APBA2: variants seen among roughly 807,000 people sequenced by gnomAD.
The protein encoded by APBA2 is amyloid-beta A4 precursor protein-binding family A member 2.
APBA2 carries 30 observed loss-of-function variants against 75.0 expected under a neutral mutation model. That is an observed-to-expected ratio of 0.40 (90% CI 0.30 to 0.54). The LOEUF (loss-of-function observed/expected upper bound fraction) is 0.54, where lower values mean the gene tolerates loss of function less well. Ranked by LOEUF, APBA2 falls within the 20% of genes least tolerant of loss-of-function variation. The pLI is 0.49. For synonymous variants in APBA2, 444 were observed against 409.6 expected, an observed-to-expected ratio of 1.08 and a Z score of -1.01; for missense variants, 801 against 1,016.1, an observed-to-expected ratio of 0.79 and a Z score of 2.88.
chr15:28,989,742 C>T (rs1025214260), intron 2 of APBA2, among the ~76,000 whole-genome samples: 5 of 152,270 alleles, frequency 3.3e-5, no homozygotes, highest in Non-Finnish European at 5.9e-5. Context: ...GCGGCCTTGG[C>T]GGGCTGTGTA....
At chr15:28,976,308 A>T (rs1437308706) in intron 2 of APBA2, among the ~76,000 whole-genome samples, 1 of 152,184 alleles carries the variant, frequency 6.6e-6, no homozygotes, top group Non-Finnish European at 1.5e-5. Context: ...ATCCATTGCA[A>T]TCTTCATCCT....
At chr15:28,947,960 G>A (rs967545980) in intron 2 of APBA2, among the ~76,000 whole-genome samples, 1 of 152,148 alleles carries the variant, frequency 6.6e-6, no homozygotes, top group Non-Finnish European at 1.5e-5. Context: ...ACAATCCCTC[G>A]TGTTAGGAGA....
chr15:29,066,328 A>T (rs547724759), intron 4 of APBA2, among the ~76,000 whole-genome samples: 1 of 152,212 alleles, frequency 6.6e-6, no homozygotes, highest in African/African-American at 2.4e-5. Flanking sequence ...AGCCACAAGC[A>T]TAGCGAGAAA....
intron 1 of APBA2, among the ~76,000 whole-genome samples, chr15:28,916,033 AACTG>A (rs2033675753): frequency 6.6e-6 from 1 of 152,164 alleles, no homozygotes; most frequent in Non-Finnish European, 1.5e-5. Context: ...CATCGAATGA[AACTG>A]AATGATTGTT....
At chr15:29,045,068 C>CTTCTCTCTCTCTCTCTCTCTCTCTCTCT (rs2041238790) in intron 3 of APBA2, among the ~76,000 whole-genome samples, 1 of 96,662 alleles carries the variant, frequency 1.0e-5, no homozygotes, top group African/African-American at 7.5e-5. Context: ...TCCCTCCCTC[C>CTTCTCTCTCTCTCTCTCTCTCTCTCTCT]TTCTCTCTCT....
chr15:29,071,018 C>T (rs79218401), intron 4 of APBA2: 6 of 455,186 alleles, frequency 1.3e-5, no homozygotes, highest in African/African-American at 8.0e-5. Context: ...GCCCTCTATC[C>T]CTAACCTCAG....
At chr15:28,985,768 C>T (rs1374346129) in intron 2 of APBA2, among the ~76,000 whole-genome samples, 1 of 152,244 alleles carries the variant, frequency 6.6e-6, no homozygotes, top group Non-Finnish European at 1.5e-5. Context: ...TTGACTCTGT[C>T]TGACCAGCTC....
chr15:28,978,589 C>G (rs767069557), intron 2 of APBA2, among the ~76,000 whole-genome samples: 1 of 152,234 alleles, frequency 6.6e-6, no homozygotes, highest in African/African-American at 2.4e-5. Flanking sequence ...AAGGGGGAAT[C>G]TTTCTTCCCC....
At chr15:29,008,260 T>C (rs1191153302) in intron 3 of APBA2, among the ~76,000 whole-genome samples, 1 of 152,112 alleles carries the variant, frequency 6.6e-6, no homozygotes, top group Non-Finnish European at 1.5e-5. Flanking sequence ...AGTGTTTAAT[T>C]AGGACAGAGG....
rs930440914 is a variant in APBA2, at chr15:28,947,750, A to G, written c.-95+26001A>G. Among the ~76,000 whole-genome samples, 107 of 152,122 alleles carry G rather than the reference A, an allele frequency of 7.0e-4. 1 individual carries two copies. The highest frequency in any genetic ancestry group is 2.3e-3 in the African/African-American group (95 of 41,500). ...CAAAGCGCCTCTAGAGACTCAAACC[A>G]CCTTGTAAATCTCACTGGGAGTGAA... is the stretch of plus-strand genomic sequence containing the variant. On this transcript the variant is annotated intron_variant, in intron 2 of 14. Transcript: ENST00000683413.
At chr15:28,926,887 C>T (rs1197219189) in intron 2 of APBA2, among the ~76,000 whole-genome samples, 6 of 140,318 alleles carry the variant, frequency 4.3e-5, no homozygotes, top group Admixed American at 1.4e-4. Context: ...GACAGAGTCT[C>T]GCTCTGTTGC....
intron 1 of APBA2, among the ~76,000 whole-genome samples, chr15:28,891,644 T>C (rs1251272034): frequency 1.3e-5 from 2 of 152,226 alleles, no homozygotes; most frequent in African/African-American, 4.8e-5. Context: ...ACATGGATTC[T>C]TAGCACTTGT....
At chr15:28,953,414 G>T (rs990531030) in intron 2 of APBA2, among the ~76,000 whole-genome samples, 2 of 149,348 alleles carry the variant, frequency 1.3e-5, no homozygotes, top group Non-Finnish European at 3.0e-5. Flanking sequence ...CACTCCCCCC[G>T]CCCCACCCCC....
At chr15:28,898,059 A>G (rs2032616055) in intron 1 of APBA2, among the ~76,000 whole-genome samples, 2 of 152,172 alleles carry the variant, frequency 1.3e-5, no homozygotes, top group Non-Finnish European at 2.9e-5. Flanking sequence ...CTCAGGGAGC[A>G]CCGGCAGCTG....
intron 2 of APBA2, among the ~76,000 whole-genome samples, chr15:28,979,631 C>T (rs991255376): frequency 6.6e-6 from 1 of 152,200 alleles, no homozygotes; most frequent in African/African-American, 2.4e-5. Flanking sequence ...CCCCTGGCCC[C>T]TTTCTGGCCT....
intron 3 of APBA2, among the ~76,000 whole-genome samples, chr15:28,999,611 TTAG>T (rs2038737621): frequency 6.6e-6 from 1 of 152,078 alleles, no homozygotes; most frequent in Non-Finnish European, 1.5e-5. Context: ...GTAAACCCCT[TTAG>T]AGAACAATTA....
chr15:29,098,362 ATTG>A, intron 8 of APBA2, 125 bp from the exon 9 acceptor site: 1 of 727,688 alleles, frequency 1.4e-6, no homozygotes, highest in Admixed American at 2.0e-5. Flanking sequence ...GAAATGATAT[ATTG>A]TTGTGGTTTT....
intron 2 of APBA2, among the ~76,000 whole-genome samples, chr15:28,988,621 G>T (rs2038054905): frequency 1.3e-5 from 2 of 152,206 alleles, no homozygotes; most frequent in Admixed American, 1.3e-4. Flanking sequence ...GAAAACAGGT[G>T]GCTGTATTTC....
intron 4 of APBA2, among the ~76,000 whole-genome samples, chr15:29,063,463 G>T (rs58251889): frequency 2.3e-5 from 3 of 133,332 alleles, no homozygotes; most frequent in African/African-American, 2.7e-5. Flanking sequence ...GTATGGGTGG[G>T]GAGGGGAGTT....
Sources: allele counts gnomAD v4.1 joint callset (sites outside exome capture counted in the v4.1 genomes callset), GRCh38; gene constraint gnomAD v4.1.1; transcripts MANE v1.5; gene names NCBI Gene and HGNC (gene_info 2026-07-23, HGNC 2026-07-21).